DARS2: variants seen among roughly 807,000 people sequenced by gnomAD.
The protein encoded by DARS2 is aspartate--tRNA ligase, mitochondrial.
Under a neutral mutation model 83.0 loss-of-function variants are expected in DARS2, and 63 were observed. The ratio of observed to expected loss-of-function variants is 0.76; its 90% CI spans 0.62 to 0.94. The LOEUF is 0.94. Ranked by LOEUF, DARS2 falls within the 40% of genes least tolerant of loss-of-function variation. The probability of loss-of-function intolerance (pLI) is 0.00; values close to 1 mark genes in which losing one functional copy is unlikely to be tolerated. For synonymous variants in DARS2, 250 were observed against 269.3 expected, an observed-to-expected ratio of 0.93 and a Z score of 0.70; for missense variants, 675 against 774.4, an observed-to-expected ratio of 0.87 and a Z score of 1.52.
At chr1:173,855,250 C>T (rs184045645) in intron 15 of DARS2, among the ~76,000 whole-genome samples, 5 of 151,978 alleles carry the variant, frequency 3.3e-5, no homozygotes, top group South Asian at 4.2e-4. Flanking sequence ...ATTACACGTG[C>T]GCACTAACAC....
rs1262843727 is a variant in DARS2, at chr1:173,833,407, A to G, written c.524A>G (p.Tyr175Cys). Residue 175 changes from tyrosine to cysteine, a missense_variant, in exon 6 of 17, where the codon TAC becomes TGC. By Grantham distance (194) the Tyr-to-Cys change is radical. Coordinates refer to ENST00000649689, the MANE Select transcript of DARS2 (RefSeq NM_018122.5). ...KTEALRLQYR[Y>C]LDLRSFQMQY... is the part of the protein sequence containing the mutation. ...GAGGCTCTTCGGTTGCAGTATCGCT[A>G]CTTAGACTTGCGTAGTTTCCAAATG... 1 of 1,612,868 alleles carries G rather than the reference A, an allele frequency of 6.2e-7. No individual in the cohort carries two copies. The highest frequency in any genetic ancestry group is 8.5e-7 in the Non-Finnish European group (1 of 1,179,302).
At chr1:173,851,136 T>G (rs1290292255) in intron 13 of DARS2, among the ~76,000 whole-genome samples, 2 of 151,120 alleles carry the variant, frequency 1.3e-5, no homozygotes, top group Admixed American at 6.6e-5. Flanking sequence ...GTAGTCCCAG[T>G]TCCTCGGGAG....
intron 13 of DARS2, 99 bp downstream of exon 13, chr1:173,850,578 C>G: frequency 9.6e-7 from 1 of 1,043,672 alleles, no homozygotes; most frequent in Non-Finnish European, 1.4e-6. Flanking sequence ...ACTGTTAATT[C>G]ATAAAATGGA....
intron 12 of DARS2, among the ~76,000 whole-genome samples, chr1:173,845,587 A>G (rs1409103443): frequency 6.6e-6 from 1 of 152,134 alleles, no homozygotes; most frequent in Non-Finnish European, 1.5e-5. Flanking sequence ...TCAGGCCACC[A>G]TGCTGCCCAG....
intron 12 of DARS2, among the ~76,000 whole-genome samples, chr1:173,846,155 C>T (rs1653427498): frequency 6.7e-6 from 1 of 149,788 alleles, no homozygotes; most frequent in Non-Finnish European, 1.5e-5. Context: ...AAGACTCTGT[C>T]TCAAAAAAAA....
intron 3 of DARS2, among the ~76,000 whole-genome samples, chr1:173,829,548 G>A (rs1195983936): frequency 1.3e-5 from 2 of 151,914 alleles, no homozygotes; most frequent in Non-Finnish European, 2.9e-5. Flanking sequence ...GGGAGGCCGA[G>A]GCCAGCAGAT....
Position 173,858,032 on chromosome 1 carries a change from C to T in DARS2, c.*327C>T. On this transcript the variant is annotated 3_prime_UTR_variant, in exon 17 of 17. Transcript: ENST00000649689. ...TCTCATACCCAGATAGTAGATTATT[C>T]ACTTAGGACAGAGGTAATCAAATTA... 1 of 350,958 alleles carries T rather than the reference C, an allele frequency of 2.8e-6. No homozygotes were observed. The highest frequency in any genetic ancestry group is 4.0e-5 in the Admixed American group (1 of 24,944). The allele number at this position is 350,958 out of a possible 1,614,324, so 21.7% of individuals were successfully genotyped here.
At chr1:173,836,305 G>A (rs1179763170) in intron 7 of DARS2, among the ~76,000 whole-genome samples, 1 of 151,938 alleles carries the variant, frequency 6.6e-6, no homozygotes, top group Non-Finnish European at 1.5e-5. Flanking sequence ...ACTTTGGGAG[G>A]CCAAGGCGGG....
At chr1:173,828,973 A>G (rs1438240995) in intron 3 of DARS2, among the ~76,000 whole-genome samples, 2 of 152,204 alleles carry the variant, frequency 1.3e-5, no homozygotes, top group Non-Finnish European at 2.9e-5. Flanking sequence ...ATGTCCTCCA[A>G]TAAGAGACTG....
chr1:173,838,062 C>T, intron 8 of DARS2, 128 bp from the exon 9 acceptor site: 1 of 771,462 alleles, frequency 1.3e-6, no homozygotes, highest in Admixed American at 2.0e-5. Flanking sequence ...TATGAGCCGC[C>T]ATGCCCGGCC....
intron 8 of DARS2, among the ~76,000 whole-genome samples, chr1:173,837,403 A>C (rs1177132156): frequency 2.0e-5 from 3 of 152,132 alleles, no homozygotes; most frequent in Non-Finnish European, 4.4e-5. Flanking sequence ...GTTAGGTGTT[A>C]AGAGCTTTAA....
chr1:173,851,004 G>C (rs901187851), intron 13 of DARS2, among the ~76,000 whole-genome samples: 1 of 151,938 alleles, frequency 6.6e-6, no homozygotes, highest in Non-Finnish European at 1.5e-5. Context: ...TTGGGAGGCC[G>C]AGGTGGGTGG....
At chr1:173,839,113 C>T (rs1006228576) in intron 9 of DARS2, among the ~76,000 whole-genome samples, 4 of 152,152 alleles carry the variant, frequency 2.6e-5, no homozygotes, top group Non-Finnish European at 5.9e-5. Context: ...GATGTAGCTT[C>T]GCTGCTTACT....
intron 12 of DARS2, among the ~76,000 whole-genome samples, chr1:173,845,521 T>G (rs1571991742): frequency 1.3e-5 from 2 of 152,192 alleles, no homozygotes; most frequent in East Asian, 3.8e-4. Context: ...TGCCTTGATT[T>G]CTTAGGCTCA....
chr1:173,837,825 G>A (rs949423140), intron 8 of DARS2, among the ~76,000 whole-genome samples: 2 of 151,504 alleles, frequency 1.3e-5, no homozygotes, highest in African/African-American at 2.4e-5. Flanking sequence ...CCAAGCTGGA[G>A]TGCAATGGCG....
intron 16 of DARS2, 53 bp downstream of exon 16, chr1:173,856,794 A>C: frequency 6.7e-7 from 1 of 1,489,820 alleles, no homozygotes; most frequent in South Asian, 1.1e-5. Flanking sequence ...CACTGTCTCA[A>C]ATTCAGGTTC....
chr1:173,835,710 C>T (rs1037032899), intron 7 of DARS2, among the ~76,000 whole-genome samples: 4 of 151,794 alleles, frequency 2.6e-5, no homozygotes, highest in African/African-American at 9.7e-5. Flanking sequence ...GAGTTAGAGA[C>T]CAGCCTGACC....
intron 13 of DARS2, among the ~76,000 whole-genome samples, chr1:173,853,044 G>A (rs1653732939): frequency 6.6e-6 from 1 of 152,128 alleles, no homozygotes; most frequent in African/African-American, 2.4e-5. Context: ...AATGAAAAAG[G>A]GTACAGAGAA....
intron 12 of DARS2, 124 bp downstream of exon 12, chr1:173,845,415 TA>T: frequency 1.7e-6 from 1 of 603,722 alleles, no homozygotes; most frequent in South Asian, 2.3e-5. Context: ...CTTCTGCTTT[TA>T]TTTACTTTTT....
Sources: allele counts gnomAD v4.1 joint callset (sites outside exome capture counted in the v4.1 genomes callset), GRCh38; gene constraint gnomAD v4.1.1; transcripts MANE v1.5; gene names NCBI Gene and HGNC (gene_info 2026-07-23, HGNC 2026-07-21).